PLPPR1: variants seen among roughly 807,000 people sequenced by gnomAD.
The protein encoded by PLPPR1 is phospholipid phosphatase-related protein type 1.
PLPPR1 carries 10 observed loss-of-function variants against 33.1 expected under a neutral mutation model. That is an observed-to-expected ratio of 0.30 (90% CI 0.19 to 0.51). The LOEUF (loss-of-function observed/expected upper bound fraction) is 0.51, where lower values mean the gene tolerates loss of function less well. Ranked by LOEUF, PLPPR1 falls within the 20% of genes least tolerant of loss-of-function variation. PLPPR1 has a pLI of 0.97. For missense variants in PLPPR1, 304 were observed against 408.1 expected, an observed-to-expected ratio of 0.74 and a Z score of 2.20; for synonymous variants, 151 against 151.0, an observed-to-expected ratio of 1.00 and a Z score of 0.00.
At chr9:101,099,550 T>G (rs967609930) in intron 1 of PLPPR1, among the ~76,000 whole-genome samples, 1 of 152,172 alleles carries the variant, frequency 6.6e-6, no homozygotes, top group African/African-American at 2.4e-5. Flanking sequence ...GATGGTTACA[T>G]CTGTACTGAA....
At chr9:101,226,648 A>G (rs1827076136) in intron 2 of PLPPR1, among the ~76,000 whole-genome samples, 1 of 152,096 alleles carries the variant, frequency 6.6e-6, no homozygotes, top group African/African-American at 2.4e-5. Context: ...CCCATTTATG[A>G]GGGCTTCAAC....
chr9:101,155,185 G>T (rs149731310), intron 1 of PLPPR1, among the ~76,000 whole-genome samples: 1 of 151,976 alleles, frequency 6.6e-6, no homozygotes, highest in Non-Finnish European at 1.5e-5. Flanking sequence ...CATTTGAGTA[G>T]GGTGACTGAC....
At chr9:101,135,726 T>C (rs559120987) in intron 1 of PLPPR1, among the ~76,000 whole-genome samples, 36 of 152,330 alleles carry the variant, frequency 2.4e-4, no homozygotes, top group Admixed American at 1.7e-3. Context: ...GCAGATCTTA[T>C]TGCTGCAGGA....
intron 1 of PLPPR1, among the ~76,000 whole-genome samples, chr9:101,091,201 C>T (rs1830737081): frequency 6.6e-6 from 1 of 152,130 alleles, no homozygotes; most frequent in South Asian, 2.1e-4. Flanking sequence ...CTTACAGAAA[C>T]ACCATCTCAT....
intron 1 of PLPPR1, among the ~76,000 whole-genome samples, chr9:101,137,851 ACT>A (rs1831396166): frequency 1.3e-5 from 2 of 152,222 alleles, no homozygotes; most frequent in South Asian, 4.1e-4. Flanking sequence ...AACAGCCCTG[ACT>A]GTACTGTCAT....
chr9:101,291,098 C>A (rs577346110), intron 4 of PLPPR1, among the ~76,000 whole-genome samples: 6 of 152,164 alleles, frequency 3.9e-5, no homozygotes, highest in African/African-American at 1.2e-4. Context: ...TGCGCTTTTC[C>A]GACAACAGGC....
chr9:101,073,484 A>T (rs1403085339), intron 1 of PLPPR1, among the ~76,000 whole-genome samples: 1 of 17,508 alleles, frequency 5.7e-5, no homozygotes, highest in Non-Finnish European at 1.1e-4. Context: ...ATTTTATGCT[A>T]AAAAAAAAAG....
chr9:101,317,456 T>C lies in PLPPR1; in HGVS notation c.905T>C (p.Phe302Ser). 6.2e-7 allele frequency: 1 copy of C among 1,614,030 alleles called. No homozygotes were observed. The highest frequency in any genetic ancestry group is 8.5e-7 in the Non-Finnish European group (1 of 1,179,996). Residue 302 changes from phenylalanine (F) to serine (S), a missense_variant, in exon 7 of 8, where the codon TTC (phenylalanine) becomes TCC (serine). Physicochemically the swap from Phe to Ser is radical, Grantham distance 155. Coordinates refer to ENST00000374874, the MANE Select transcript of PLPPR1 (RefSeq NM_207299.2). The part of the protein sequence containing the change: ...EDPRGVPLMA[F>S]PRIESPLETL... ...CCCCGTGGAGTACCCCTAATGGCTTTCCCAAGGATAGAAAGCCCTCTGGAA... is the reference window on the plus strand; with the variant it reads ...CCCCGTGGAGTACCCCTAATGGCTTCCCCAAGGATAGAAAGCCCTCTGGAA...
intron 2 of PLPPR1, among the ~76,000 whole-genome samples, chr9:101,200,672 C>G (rs889478235): frequency 4.6e-5 from 7 of 151,822 alleles, no homozygotes; most frequent in African/African-American, 1.7e-4. Context: ...AGGTCCCCAT[C>G]CTTCTGTGAA....
At chr9:101,317,040 G>C (rs955645773) in intron 6 of PLPPR1, among the ~76,000 whole-genome samples, 1 of 152,150 alleles carries the variant, frequency 6.6e-6, no homozygotes, top group Non-Finnish European at 1.5e-5. Flanking sequence ...CAGACACATA[G>C]TGGCCCTCAA....
Position 101,185,692 on chromosome 9 carries a change from TTAA to T in PLPPR1, c.63+139_63+141del. On this transcript the variant is annotated intron_variant, in intron 2 of 7. Transcript: ENST00000374874. ...TTGATAGCACAAATATTGGTAAAGA[TTAA>T]TAAACTATGCAAAGTGTTTCTTAAA... The T allele has an allele frequency of 6.8e-6, 4 of 586,324 alleles. No homozygotes were observed. In the South Asian group the frequency reaches 1.0e-4, roughly 15 times the overall value. The allele number at this position is 586,324 out of a possible 1,614,324, so 36.3% of individuals were successfully genotyped here. A position where few individuals can be genotyped will look rare whatever the true frequency, so the allele number is the denominator to read the frequency against.
Position 101,028,817 on chromosome 9 carries a change from G to C in PLPPR1, c.-331G>C, listed in dbSNP as rs1246716443. 6.6e-6 allele frequency: 1 copy of C among 152,468 alleles called. No individual in the cohort carries two copies. The highest frequency in any genetic ancestry group is 2.4e-5 in the African/African-American group (1 of 41,464). The allele number at this position is 152,468 out of a possible 1,614,324, so 9.4% of individuals were successfully genotyped here. On this transcript the variant is annotated 5_prime_UTR_variant, in exon 1 of 8. Transcript: ENST00000374874. ...GCAGCGCCAGGAGGAGGCAGCGGAG[G>C]AAGCAGAGCGCGGGATGGGCGCCCA... is the stretch of plus-strand genomic sequence containing the variant.
chr9:101,185,144 G>A, intron 1 of PLPPR1: 1 of 218,744 alleles, frequency 4.6e-6, no homozygotes, highest in Non-Finnish European at 8.9e-6. Context: ...TGGCATTAGG[G>A]CAGTCTACTG....
chr9:101,032,992 A>G (rs2118398646), intron 1 of PLPPR1, among the ~76,000 whole-genome samples: 1 of 152,266 alleles, frequency 6.6e-6, no homozygotes, highest in East Asian at 1.9e-4. Flanking sequence ...CGGATTTAAT[A>G]TACATTGTGA....
At chr9:101,282,641 C>G (rs1345884503) in intron 3 of PLPPR1, among the ~76,000 whole-genome samples, 1 of 152,100 alleles carries the variant, frequency 6.6e-6, no homozygotes, top group Non-Finnish European at 1.5e-5. Flanking sequence ...CATATGACAT[C>G]CTGTATACAG....
In PLPPR1 at chr9:101,060,267, T is replaced by C. The variant is rs974661836; in HGVS notation, c.-46+31165T>C. On this transcript the variant is annotated intron_variant, in intron 1 of 7. Transcript: ENST00000374874. ...TTTCACTTATACGTGGAGTGTCAAATAGTTGAATTCAGAAAAACAGAGTAA... is the reference window on the plus strand; with the variant it reads ...TTTCACTTATACGTGGAGTGTCAAACAGTTGAATTCAGAAAAACAGAGTAA... Among the ~76,000 whole-genome samples the C allele has an allele frequency of 7.9e-5, 12 of 151,874 alleles. 1 individual carries two copies. The highest frequency in any genetic ancestry group is 2.4e-4 in the African/African-American group (10 of 41,388).
intron 2 of PLPPR1, among the ~76,000 whole-genome samples, chr9:101,238,374 T>TA (rs1259171589): frequency 1.4e-5 from 2 of 145,034 alleles, no homozygotes; most frequent in Non-Finnish European, 3.0e-5. Context: ...TGGGTATATA[T>TA]ATAGGGTATA....
At chr9:101,052,990 C>G (rs1396056946) in intron 1 of PLPPR1, among the ~76,000 whole-genome samples, 3 of 152,142 alleles carry the variant, frequency 2.0e-5, no homozygotes, top group Non-Finnish European at 2.9e-5. Context: ...TTTGATCAGT[C>G]AGGTGAGAGT....
chr9:101,237,367 C>T (rs1246381034), intron 2 of PLPPR1, among the ~76,000 whole-genome samples: 5 of 151,362 alleles, frequency 3.3e-5, no homozygotes, highest in African/African-American at 9.7e-5. Flanking sequence ...AAGATACCTG[C>T]GCTGTTATAT....
Sources: allele counts gnomAD v4.1 joint callset (sites outside exome capture counted in the v4.1 genomes callset), GRCh38; gene constraint gnomAD v4.1.1; transcripts MANE v1.5; gene names NCBI Gene and HGNC (gene_info 2026-07-23, HGNC 2026-07-21).